Variants in TUSC3 observed in about 807,000 individuals in gnomAD.
TUSC3 encodes dolichyl-diphosphooligosaccharide--protein glycosyltransferase subunit TUSC3.
Under a neutral mutation model 44.8 loss-of-function variants are expected in TUSC3, and 45 were observed. That is an observed-to-expected ratio of 1.00 (90% CI 0.79 to 1.29). The LOEUF is 1.29. TUSC3 is among the 50% of genes most tolerant of loss of function. The pLI, the probability that TUSC3 is intolerant of heterozygous loss-of-function variation, is 0.00. For synonymous variants in TUSC3, 212 were observed against 152.9 expected (o/e 1.39, Z -2.85); for missense variants, 519 against 437.9 (o/e 1.19, Z -1.65).
chr8:15,718,822 T>G (rs1388749895), intron 6 of TUSC3, among the ~76,000 whole-genome samples: 1 of 152,116 alleles, frequency 6.6e-6, no homozygotes, highest in Non-Finnish European at 1.5e-5. Flanking sequence ...ATTTGGACAT[T>G]AAAATAACTA....
chr8:15,851,161 G>A, the TUSC3 span, among the ~76,000 whole-genome samples: 10 of 152,144 alleles, frequency 6.6e-5, no homozygotes, highest in Non-Finnish European at 1.2e-4. Flanking sequence ...CTTCAAAATA[G>A]TTTCACTTTT....
chr8:15,663,638 G>A (rs1210004399), intron 5 of TUSC3, among the ~76,000 whole-genome samples: 3 of 151,836 alleles, frequency 2.0e-5, no homozygotes, highest in Non-Finnish European at 4.4e-5. Flanking sequence ...TTAAGAGCAA[G>A]GAAGATAAGA....
the TUSC3 span, among the ~76,000 whole-genome samples, chr8:15,831,555 C>G: frequency 1.4e-5 from 2 of 143,286 alleles, no homozygotes; most frequent in Admixed American, 1.4e-4. Context: ...AGAATTACAA[C>G]AAAATGATAT....
Position 15,662,265 on chromosome 8 carries a change from A to T in TUSC3, c.677A>T (p.Tyr226Phe), listed in dbSNP as rs146409575. ...YLRRNNLEFI[Y>F]NKTGWAMVSL... is the part of the protein sequence containing the mutation. ...AGAAGGAACAACTTGGAGTTCATCT[A>T]TAACAAGACTGGTTGGGCCATGGTG... The change falls in exon 5 of 11, where the codon TAT becomes TTT. Residue 226 changes from tyrosine to phenylalanine, a missense_variant. By Grantham distance (22) the Tyr-to-Phe change is conservative. Coordinates refer to ENST00000503731, the MANE Select transcript of TUSC3 (RefSeq NM_006765.4). 7.4e-6 allele frequency: 12 copies of T among 1,613,118 alleles called. No homozygotes were observed. Among genetic ancestry groups the T allele is most frequent in the Non-Finnish European group, 1.0e-5 (12 of 1,179,270 alleles).
intron 7 of TUSC3, among the ~76,000 whole-genome samples, chr8:15,733,820 T>A (rs1210121209): frequency 6.6e-6 from 1 of 152,164 alleles, no homozygotes. Context: ...CACAGGCTGA[T>A]CATTTTAGTT....
Position 15,593,265 on chromosome 8 carries a change from T to C in TUSC3, c.139-29815T>C, listed in dbSNP as rs543657970. 5.3e-5 allele frequency among the ~76,000 whole-genome samples: 8 copies of C among 152,062 alleles called. 1 individual carries two copies. In the East Asian group the frequency reaches 1.4e-3, roughly 26 times the overall value. ...CACACCTGGCTAATTTTTGTAGTTT[T>C]AGTAGAGACAGGGTTTCACCATGTT... On this transcript the variant is annotated intron_variant, in intron 1 of 10. Coordinates refer to ENST00000503731, the MANE Select transcript of TUSC3 (RefSeq NM_006765.4).
chr8:15,746,539 C>T (rs1585296593), intron 8 of TUSC3, among the ~76,000 whole-genome samples: 1 of 151,826 alleles, frequency 6.6e-6, no homozygotes, highest in Admixed American at 6.6e-5. Flanking sequence ...TAATTATTAA[C>T]CCCTCCCTGC....
intron 6 of TUSC3, among the ~76,000 whole-genome samples, chr8:15,695,612 G>C (rs1023949142): frequency 1.3e-5 from 2 of 152,208 alleles, no homozygotes; most frequent in Non-Finnish European, 2.9e-5. Flanking sequence ...GTCTGGAAAA[G>C]TTTGGGGGCT....
At chr8:15,795,862 TC>T in the TUSC3 span, among the ~76,000 whole-genome samples, 126 of 152,292 alleles carry the variant, frequency 8.3e-4, no homozygotes, top group African/African-American at 2.9e-3. Flanking sequence ...GTCCAATCTG[TC>T]CTTTATATTC....
At chr8:15,433,448 C>T (rs141704085) in intron 1 of TUSC3, among the ~76,000 whole-genome samples, 103 of 152,172 alleles carry the variant, frequency 6.8e-4, no homozygotes, top group African/African-American at 2.3e-3. Flanking sequence ...AAATGTATGT[C>T]ATGGATAACC....
In TUSC3 at chr8:15,764,312, C is replaced by T; in HGVS notation, c.*156C>T. On this transcript the variant is annotated 3_prime_UTR_variant, in exon 11 of 11. Coordinates refer to ENST00000503731, the MANE Select transcript of TUSC3 (RefSeq NM_006765.4). ...TTGAATTCATTCATTTCATTGTGAT[C>T]AGCTAGCTTATTCTTGTGTACTTTT... The T allele has an allele frequency of 7.4e-7, 1 of 1,348,858 alleles. No homozygotes were observed. The highest frequency in any genetic ancestry group is 1.0e-6 in the Non-Finnish European group (1 of 956,474). 83.6% of individuals were successfully genotyped at this position (1,348,858 alleles called of 1,614,324 possible).
At chr8:15,440,775 G>C (rs1467628820) in intron 1 of TUSC3, among the ~76,000 whole-genome samples, 4 of 152,180 alleles carry the variant, frequency 2.6e-5, no homozygotes, top group African/African-American at 9.7e-5. Flanking sequence ...TCATTCCAAA[G>C]ATTGTTCAGG....
chr8:15,458,075 A>T (rs559176272), intron 1 of TUSC3, among the ~76,000 whole-genome samples: 1 of 152,224 alleles, frequency 6.6e-6, no homozygotes, highest in South Asian at 2.1e-4. Context: ...CGTTAACATT[A>T]TATCAACAGG....
At chr8:15,484,024 C>G (rs1408420191) in intron 2 of TUSC3, among the ~76,000 whole-genome samples, 2 of 152,068 alleles carry the variant, frequency 1.3e-5, no homozygotes, top group Non-Finnish European at 2.9e-5. Flanking sequence ...GCTATGTGTT[C>G]TCTTTTTCTC....
chr8:15,539,535 G>C (rs71524148), upstream of TUSC3, among the ~76,000 whole-genome samples: 1 of 151,612 alleles, frequency 6.6e-6, no homozygotes, highest in East Asian at 2.0e-4. Flanking sequence ...ATTTTTAGTA[G>C]AAATGGGGTT....
intron 1 of TUSC3, among the ~76,000 whole-genome samples, chr8:15,576,399 C>T (rs1205659786): frequency 6.1e-5 from 9 of 147,586 alleles, no homozygotes; most frequent in African/African-American, 1.3e-4. Context: ...CATGCTGGTG[C>T]GCTGCACCCA....
intron 1 of TUSC3, among the ~76,000 whole-genome samples, chr8:15,432,006 A>G (rs962159196): frequency 7.9e-5 from 12 of 151,624 alleles, no homozygotes; most frequent in Admixed American, 1.3e-4. Flanking sequence ...TTAATGTTCA[A>G]TGGCATTTGA....
intron 5 of TUSC3, among the ~76,000 whole-genome samples, chr8:15,671,604 A>G (rs1421252214): frequency 6.6e-6 from 1 of 151,982 alleles, no homozygotes; most frequent in East Asian, 1.9e-4. Flanking sequence ...GTTTTGTTTT[A>G]TTAAACCATT....
chr8:15,587,768 C>G (rs1457304419), intron 1 of TUSC3, among the ~76,000 whole-genome samples: 2 of 152,060 alleles, frequency 1.3e-5, no homozygotes, highest in Admixed American at 6.6e-5. Context: ...ATTCTACTCT[C>G]TACTAGTATG....
Sources: allele counts gnomAD v4.1 joint callset (sites outside exome capture counted in the v4.1 genomes callset), GRCh38; gene constraint gnomAD v4.1.1; transcripts MANE v1.5; gene names NCBI Gene and HGNC (gene_info 2026-07-23, HGNC 2026-07-21).